Variants in THOC1 observed in about 807,000 individuals in gnomAD.
THOC1 encodes THO complex 1.
In THOC1, 29 loss-of-function variants were observed where a neutral mutation model predicts 97.3. The observed-to-expected ratio is 0.30, with a 90% CI of 0.22 to 0.41. The LOEUF (loss-of-function observed/expected upper bound fraction) is 0.41. Among genes scored for constraint, THOC1 ranks in the 10% least tolerant of loss-of-function variants. The pLI is 1.00. For missense variants in THOC1, 529 were observed against 761.9 expected (o/e 0.69, Z 3.60); for synonymous variants, 255 against 257.0 (o/e 0.99, Z 0.07).
chr18:225,053 T>G, intron 14 of THOC1, 36 bp downstream of exon 14: 1 of 1,566,240 alleles, frequency 6.4e-7, no homozygotes, highest in Non-Finnish European at 8.7e-7. Flanking sequence ...TTCTATTTCG[T>G]GCTAAGAAGA....
intron 9 of THOC1, among the ~76,000 whole-genome samples, chr18:249,912 A>G (rs980214820): frequency 3.3e-5 from 5 of 152,180 alleles, no homozygotes; most frequent in African/African-American, 1.2e-4. Flanking sequence ...GTACCAGGAA[A>G]GTTTGTCTCT....
rs778474560 is a variant in THOC1, at chr18:225,408, G to A, written c.1020-5C>T. On this transcript the variant is annotated splice_polypyrimidine_tract_variant and splice_region_variant and intron_variant, in intron 12 of 20. Coordinates refer to ENST00000261600, the MANE Select transcript of THOC1 (RefSeq NM_005131.3). ...TCAGTTAAAACATAGTTTGAACTAG[G>A]GAACAAAGCAATGAAAGCATGCTTG... The A allele has an allele frequency of 6.2e-7, 1 of 1,610,860 alleles. No individual in the cohort carries two copies. The highest frequency in any genetic ancestry group is 8.5e-7 in the Non-Finnish European group (1 of 1,178,898).
At chr18:223,597 G>T in intron 16 of THOC1, 92 bp from the exon 17 acceptor site, 1 of 1,008,780 alleles carries the variant, frequency 9.9e-7, no homozygotes. Flanking sequence ...AATGTAAACA[G>T]TGGATTTGGG....
rs1357282922 is a variant in THOC1 at position 265,304 on chromosome 18, A to T, written c.188T>A (p.Ile63Asn). The change falls in exon 3 of 21, where the codon ATT becomes AAT. Residue 63 changes from isoleucine to asparagine, a missense_variant and splice_region_variant. By Grantham distance (149) the Ile-to-Asn change is moderately radical (BLOSUM62 -3). This residue lies in a region of THOC1 where 114 missense variants were observed against 97.4 expected (regional missense o/e 1.17). Coordinates refer to ENST00000261600, the MANE Select transcript of THOC1 (RefSeq NM_005131.3). ...TTAACAATGGAAAAACATACTTACA[A>T]TTTCTTCTTCTAGAATACCTCTGAA... ...QAFRGILEEEIINHSSCENVL... is the reference protein window; with the variant it reads ...QAFRGILEEENINHSSCENVL... 6.3e-7 allele frequency: 1 copy of T among 1,586,436 alleles called. No homozygotes were observed. Among genetic ancestry groups the T allele is most frequent in the Non-Finnish European group, 8.5e-7 (1 of 1,171,090 alleles).
Position 246,382 on chromosome 18 carries a change from T to C in THOC1, c.860A>G (p.Glu287Gly), listed in dbSNP as rs1459105703. Reference sequence around the variant, plus strand: ...ATGTTCTCCTCCTGTTTTCAATTCTTCCATCTTTTTTCTTGAGGCCTGAGT... The same window carrying C: ...ATGTTCTCCTCCTGTTTTCAATTCTCCCATCTTTTTTCTTGAGGCCTGAGT... The part of the protein sequence containing the change: ...DDTQASRKKM[E>G]ELKTGGEHVY... The change falls in exon 11 of 21, where the codon GAA (glutamate) becomes GGA (glycine). Residue 287 changes from glutamate (E) to glycine (G), a missense_variant. By Grantham distance (98) the Glu-to-Gly change is moderately conservative. Coordinates refer to ENST00000261600, the MANE Select transcript of THOC1 (RefSeq NM_005131.3). 23 of 1,604,632 alleles carry C rather than the reference T, an allele frequency of 1.4e-5. No homozygotes were observed. Among genetic ancestry groups the C allele is most frequent in the Non-Finnish European group, 2.0e-5 (23 of 1,172,802 alleles).
chr18:257,413 T>G (rs1912469684), intron 7 of THOC1, among the ~76,000 whole-genome samples: 1 of 152,198 alleles, frequency 6.6e-6, no homozygotes, highest in Non-Finnish European at 1.5e-5. Flanking sequence ...AGAAAGAGGT[T>G]AATAAACAGA....
At chr18:233,278 T>C (rs1050166524) in intron 11 of THOC1, among the ~76,000 whole-genome samples, 4 of 152,210 alleles carry the variant, frequency 2.6e-5, no homozygotes, top group Admixed American at 6.5e-5. Flanking sequence ...GGATAATGAA[T>C]TGTCCAAGCA....
intron 17 of THOC1, among the ~76,000 whole-genome samples, chr18:222,425 T>C (rs1369973958): frequency 6.6e-6 from 1 of 152,184 alleles, no homozygotes; most frequent in Non-Finnish European, 1.5e-5. Flanking sequence ...ACCACAACTG[T>C]TTAACTTGTT....
At chr18:228,593 A>C (rs1451939686) in intron 11 of THOC1, among the ~76,000 whole-genome samples, 1 of 152,132 alleles carries the variant, frequency 6.6e-6, no homozygotes, top group Non-Finnish European at 1.5e-5. Flanking sequence ...CCTATAGGCT[A>C]TAGTCTGCCA....
chr18:267,856 G>T, intron 1 of THOC1, 110 bp downstream of exon 1: 1 of 1,157,644 alleles, frequency 8.6e-7, no homozygotes, highest in Non-Finnish European at 1.2e-6. Flanking sequence ...ACGCTGAGGC[G>T]GACACACCTC....
At chr18:236,903 T>A (rs773395870) in intron 11 of THOC1, among the ~76,000 whole-genome samples, 16 of 152,138 alleles carry the variant, frequency 1.1e-4, no homozygotes, top group Non-Finnish European at 2.2e-4. Context: ...CTAGTTGGCC[T>A]AATAATTTAA....
At chr18:241,999 T>A (rs777028040) in intron 11 of THOC1, among the ~76,000 whole-genome samples, 1 of 151,650 alleles carries the variant, frequency 6.6e-6, no homozygotes, top group East Asian at 1.9e-4. Flanking sequence ...AAGGGAACTA[T>A]ACTGTTGGGC....
In THOC1 at chr18:214,890, T is replaced by C; in HGVS notation, c.1710A>G (p.Thr570=). The C allele has an allele frequency of 3.1e-6, 5 of 1,613,990 alleles. No individual in the cohort carries two copies. The highest frequency in any genetic ancestry group is 2.2e-5 in the East Asian group (1 of 44,876). Residue 570 remains threonine (T), a synonymous_variant, in exon 21 of 21, where the codon ACA becomes ACG. Coordinates refer to ENST00000261600, the MANE Select transcript of THOC1 (RefSeq NM_005131.3). ...TGGCAAATACCTCTATTTGTTCTCC[T>C]GTTACAGGTTTGTCTCGCCGAACAT... is the stretch of plus-strand genomic sequence containing the variant. ...SPDVRRDKPV[T]GEQIEVFANK...
At position 224,994 on chromosome 18, in the gene THOC1, G is replaced by A. The variant is rs1376818984; in HGVS notation, c.1138C>T (p.His380Tyr). 4.5e-6 allele frequency: 7 copies of A among 1,570,486 alleles called. No individual in the cohort carries two copies. Among genetic ancestry groups the A allele is most frequent in the African/African-American group, 1.3e-5 (1 of 74,112 alleles). Residue 380 changes from histidine to tyrosine, a missense_variant and splice_region_variant, in exon 15 of 21, where the codon CAT becomes TAT. This residue lies in a region of THOC1 where 123 missense variants were observed against 159.0 expected (regional missense o/e 0.77). Transcript: ENST00000261600. ...CAGTTTTCTTCAGTGTTTAATATAT[G>A]CTGGGAAAAACAAAGCGATTACATT... ...DGERFSKMVE[H>Y]ILNTEENWNS...
chr18:217,349 C>A (rs182946359), intron 18 of THOC1, among the ~76,000 whole-genome samples: 1 of 152,342 alleles, frequency 6.6e-6, no homozygotes, highest in East Asian at 1.9e-4. Context: ...TCCTCTCTGA[C>A]ATATCTGTTT....
At chr18:250,773 G>A (rs895600959) in intron 9 of THOC1, among the ~76,000 whole-genome samples, 1 of 152,148 alleles carries the variant, frequency 6.6e-6, no homozygotes, top group African/African-American at 2.4e-5. Context: ...TGAGTGTTGA[G>A]TCTTATTTAA....
chr18:216,690 C>A (rs1910903016), intron 18 of THOC1, 57 bp from the exon 19 acceptor site: 1 of 1,562,786 alleles, frequency 6.4e-7, no homozygotes, highest in Admixed American at 1.9e-5. Context: ...GTATTCCCTT[C>A]TGCTCAGTTC....
chr18:266,024 T>C (rs1469387425), intron 1 of THOC1, among the ~76,000 whole-genome samples: 3 of 152,242 alleles, frequency 2.0e-5, no homozygotes, highest in African/African-American at 7.2e-5. Flanking sequence ...TCTTCCTACC[T>C]GCTCATCCAA....
Position 229,402 on chromosome 18 carries a change from C to G in THOC1, c.919-2501G>C, listed in dbSNP as rs190122177. Among the ~76,000 whole-genome samples the G allele has an allele frequency of 4.5e-3, 692 of 152,264 alleles. 6 individuals are homozygous for G. The highest frequency in any genetic ancestry group is 7.6e-3 in the Non-Finnish European group (517 of 68,030). On this transcript the variant is annotated intron_variant, in intron 11 of 20. Transcript: ENST00000261600. ...AATCCATTGAAAGTGTTTTTGTCGGCTGGGTGTGGTGGTTCACGCCTGTAA... is the reference window on the plus strand; with the variant it reads ...AATCCATTGAAAGTGTTTTTGTCGGGTGGGTGTGGTGGTTCACGCCTGTAA...
Sources: allele counts gnomAD v4.1 joint callset (sites outside exome capture counted in the v4.1 genomes callset), GRCh38; gene constraint gnomAD v4.1.1; regional missense constraint gnomAD v4.1.1; transcripts MANE v1.5; gene names NCBI Gene and HGNC (gene_info 2026-07-23, HGNC 2026-07-21).